TNFAIP8: variants seen among roughly 807,000 people sequenced by gnomAD.
The protein encoded by TNFAIP8 is TNF alpha induced protein 8, also known as tumor necrosis factor alpha-induced protein 8.
A neutral mutation model predicts 13.3 loss-of-function variants in TNFAIP8; 7 were observed. That is an observed-to-expected ratio of 0.52 (90% CI 0.30 to 0.99). The LOEUF (loss-of-function observed/expected upper bound fraction) is 0.99, where lower values mean the gene tolerates loss of function less well. Ranked by LOEUF, TNFAIP8 falls within the 50% of genes least tolerant of loss-of-function variation. TNFAIP8 has a pLI of 0.07. For missense variants in TNFAIP8, 258 were observed against 236.9 expected (o/e 1.09, Z -0.58); for synonymous variants, 94 against 87.6 (o/e 1.07, Z -0.41).
intron 1 of TNFAIP8, among the ~76,000 whole-genome samples, chr5:119,315,250 T>G (rs2112678544): frequency 6.6e-6 from 1 of 152,182 alleles, no homozygotes; most frequent in Non-Finnish European, 1.5e-5. Flanking sequence ...GCCCAGCTTA[T>G]TTTTTGTATT....
intron 1 of TNFAIP8, among the ~76,000 whole-genome samples, chr5:119,389,946 C>T (rs1752833094): frequency 6.6e-6 from 1 of 152,224 alleles, no homozygotes. Context: ...TACACACTCT[C>T]TTGCAGGAAG....
chr5:119,273,773 G>A (rs1022908526), intron 1 of TNFAIP8, among the ~76,000 whole-genome samples: 4 of 152,156 alleles, frequency 2.6e-5, no homozygotes, highest in East Asian at 3.9e-4. Context: ...CGTGAGGTCC[G>A]GGAGGCCCAG....
At chr5:119,314,179 AAAC>A (rs1749814881) in intron 1 of TNFAIP8, among the ~76,000 whole-genome samples, 1 of 138,618 alleles carries the variant, frequency 7.2e-6, no homozygotes, top group Non-Finnish European at 1.5e-5. Context: ...AAAAACAAAC[AAAC>A]AAACAAACAA....
At chr5:119,310,629 G>C (rs1749699215) in intron 1 of TNFAIP8, among the ~76,000 whole-genome samples, 1 of 152,194 alleles carries the variant, frequency 6.6e-6, no homozygotes, top group African/African-American at 2.4e-5. Flanking sequence ...GAGGTCAGGA[G>C]TTTGACACCA....
intron 1 of TNFAIP8, among the ~76,000 whole-genome samples, chr5:119,277,926 A>G (rs908748109): frequency 1.3e-5 from 2 of 152,094 alleles, no homozygotes; most frequent in Non-Finnish European, 2.9e-5. Flanking sequence ...TAAAAGCACT[A>G]ATCCACTCAT....
At chr5:119,374,504 GAGAA>G (rs1274207380) in intron 1 of TNFAIP8, among the ~76,000 whole-genome samples, 1 of 152,232 alleles carries the variant, frequency 6.6e-6, no homozygotes, top group African/African-American at 2.4e-5. Context: ...AACATTTTGA[GAGAA>G]AGGTGAGTAA....
intron 1 of TNFAIP8, among the ~76,000 whole-genome samples, chr5:119,380,417 T>A (rs1752444211): frequency 6.6e-6 from 1 of 152,170 alleles, no homozygotes; most frequent in African/African-American, 2.4e-5. Flanking sequence ...TAAATATTCA[T>A]CAAGAGTCAG....
At chr5:119,283,098 A>G (rs1748684417) in intron 1 of TNFAIP8, among the ~76,000 whole-genome samples, 1 of 152,162 alleles carries the variant, frequency 6.6e-6, no homozygotes, top group Non-Finnish European at 1.5e-5. Context: ...CTTGCTTCTC[A>G]AAGCATTCAC....
At chr5:119,304,134 G>A (rs546157401) in intron 1 of TNFAIP8, among the ~76,000 whole-genome samples, 3 of 150,848 alleles carry the variant, frequency 2.0e-5, no homozygotes, top group South Asian at 4.2e-4. Context: ...TTTATTTTTT[G>A]TAGAGATACG....
At chr5:119,381,380 A>C (rs1752478268) in intron 1 of TNFAIP8, among the ~76,000 whole-genome samples, 1 of 151,914 alleles carries the variant, frequency 6.6e-6, no homozygotes, top group South Asian at 2.1e-4. Context: ...GTCTCTACCC[A>C]AAAAAATACA....
At chr5:119,297,834 T>G (rs1330825081) in intron 1 of TNFAIP8, among the ~76,000 whole-genome samples, 2 of 152,266 alleles carry the variant, frequency 1.3e-5, no homozygotes, top group Non-Finnish European at 2.9e-5. Context: ...CTCTTCTTGT[T>G]GAATTGATCC....
At chr5:119,316,274 C>T (rs894803786) in intron 1 of TNFAIP8, 2 of 151,996 alleles carry the variant, frequency 1.3e-5, no homozygotes, top group African/African-American at 4.8e-5. Context: ...ATCCTCCCAC[C>T]TCAGTCTCCT....
chr5:119,381,751 GGTGAAACCCC>G (rs947184065), intron 1 of TNFAIP8, among the ~76,000 whole-genome samples: 66 of 151,968 alleles, frequency 4.3e-4, no homozygotes, highest in African/African-American at 1.5e-3. Context: ...TGGCCAATAT[GGTGAAACCCC>G]GTCTCTACTA....
intron 1 of TNFAIP8, chr5:119,333,373 A>T (rs1750443920): frequency 7.6e-7 from 1 of 1,316,642 alleles, no homozygotes; most frequent in Admixed American, 3.6e-5. Context: ...AACAAGCAAG[A>T]CAACTTTCAA....
At chr5:119,303,719 G>C (rs1452453992) in intron 1 of TNFAIP8, among the ~76,000 whole-genome samples, 1 of 152,208 alleles carries the variant, frequency 6.6e-6, no homozygotes, top group Non-Finnish European at 1.5e-5. Flanking sequence ...GGGAGACAGA[G>C]AGAGCCTCTT....
At chr5:119,370,008 T>G (rs1236658266) in intron 1 of TNFAIP8, among the ~76,000 whole-genome samples, 1 of 152,254 alleles carries the variant, frequency 6.6e-6, no homozygotes, top group East Asian at 1.9e-4. Context: ...CACACTTTAT[T>G]GTCTGAAAAC....
intron 1 of TNFAIP8, among the ~76,000 whole-genome samples, chr5:119,277,311 C>A (rs1244720051): frequency 6.6e-6 from 1 of 152,102 alleles, no homozygotes; most frequent in East Asian, 1.9e-4. Flanking sequence ...AAACAATGAT[C>A]TTTTGAAGAA....
At chr5:119,336,622 C>A (rs918659021) in intron 1 of TNFAIP8, among the ~76,000 whole-genome samples, 3 of 152,122 alleles carry the variant, frequency 2.0e-5, no homozygotes, top group Non-Finnish European at 4.4e-5. Context: ...GTATTCTGCC[C>A]ATTAGCTGTG....
intron 1 of TNFAIP8, among the ~76,000 whole-genome samples, chr5:119,336,682 A>G (rs796469580): frequency 1.1e-4 from 16 of 152,290 alleles, no homozygotes; most frequent in African/African-American, 3.9e-4. Context: ...TCTTATTTGC[A>G]TTCATTTTTA....
Sources: allele counts gnomAD v4.1 joint callset (sites outside exome capture counted in the v4.1 genomes callset), GRCh38; gene constraint gnomAD v4.1.1; transcripts MANE v1.5; gene names NCBI Gene and HGNC (gene_info 2026-07-23, HGNC 2026-07-21).